HLCS: variants seen among roughly 807,000 people sequenced by gnomAD.
HLCS encodes the protein holocarboxylase synthetase, also known as biotin--protein ligase.
In HLCS, 53 loss-of-function variants were observed where a neutral mutation model predicts 75.0. That is an observed-to-expected ratio of 0.71 (90% CI 0.57 to 0.89). The LOEUF is 0.89. HLCS is among the 40% of genes least tolerant of loss of function. The pLI is 0.00. For missense variants in HLCS, 966 were observed against 1,074.0 expected (o/e 0.90, Z 1.41); for synonymous variants, 431 against 428.6 (o/e 1.01, Z -0.07).
intron 2 of HLCS, chr21:36,943,134 C>T (rs2067225812): frequency 6.6e-6 from 1 of 152,050 alleles, no homozygotes; most frequent in Admixed American, 6.6e-5. Context: ...AATTAAGGTG[C>T]TGCAGCTGCC....
At chr21:36,781,044 T>C (rs1164829358) in intron 6 of HLCS, among the ~76,000 whole-genome samples, 1 of 149,366 alleles carries the variant, frequency 6.7e-6, no homozygotes, top group South Asian at 2.1e-4. Context: ...CAGCTCACGT[T>C]ACCACCTGAG....
chr21:36,864,523 G>A lies in HLCS; in HGVS notation c.1892+32337C>T, dbSNP rs896041896. 4.6e-5 allele frequency among the ~76,000 whole-genome samples: 7 copies of A among 151,830 alleles called. No individual in the cohort carries two copies. In the South Asian group the frequency reaches 1.5e-3, roughly 32 times the overall value. ...TCCTGCTTAAAAGTCTTACTTCTCT[G>A]TTTTATCTACAATAAAAATACACAT... On this transcript the variant is annotated intron_variant, in intron 6 of 10. Coordinates refer to ENST00000674895, the MANE Select transcript of HLCS (RefSeq NM_001352514.2).
chr21:36,939,046 TC>T, intron 2 of HLCS, 52 bp from the exon 3 acceptor site: 11 of 1,524,692 alleles, frequency 7.2e-6, no homozygotes, highest in Non-Finnish European at 9.7e-6. Flanking sequence ...TTGAGATTTT[TC>T]TTCTCTAAAA....
intron 6 of HLCS, among the ~76,000 whole-genome samples, chr21:36,895,819 C>T (rs1454845181): frequency 3.3e-5 from 5 of 152,152 alleles, no homozygotes; most frequent in African/African-American, 9.7e-5. Context: ...GAATATTTCA[C>T]GCCTTAAATT....
chr21:36,765,636 T>C (rs552172303), intron 7 of HLCS, among the ~76,000 whole-genome samples: 2 of 152,170 alleles, frequency 1.3e-5, no homozygotes, highest in African/African-American at 2.4e-5. Context: ...CAGAACTGTG[T>C]ACTTTATTTA....
intron 5 of HLCS, among the ~76,000 whole-genome samples, chr21:36,928,021 C>T (rs1456615037): frequency 1.3e-5 from 2 of 151,996 alleles, no homozygotes; most frequent in Non-Finnish European, 2.9e-5. Context: ...GAAAGAAAAC[C>T]AAATACAAAG....
At chr21:36,880,952 GTTT>G (rs1046571577) in intron 6 of HLCS, among the ~76,000 whole-genome samples, 2 of 134,690 alleles carry the variant, frequency 1.5e-5, no homozygotes, top group Admixed American at 7.2e-5. Flanking sequence ...CCAGCAGAGA[GTTT>G]TTGTTTGTTT....
chr21:36,887,904 TAA>T (rs1284754741), intron 6 of HLCS, among the ~76,000 whole-genome samples: 3 of 152,200 alleles, frequency 2.0e-5, no homozygotes, highest in African/African-American at 7.2e-5. Context: ...CATTAATATG[TAA>T]AACATCAACA....
chr21:36,976,805 C>T (rs1380776710), intron 1 of HLCS, among the ~76,000 whole-genome samples: 2 of 152,008 alleles, frequency 1.3e-5, no homozygotes, highest in Non-Finnish European at 2.9e-5. Context: ...TTCCCCTCTT[C>T]CGAACCAGCC....
intron 9 of HLCS, among the ~76,000 whole-genome samples, chr21:36,758,756 G>T (rs2089702635): frequency 6.6e-6 from 1 of 152,126 alleles, no homozygotes. Context: ...GCCGAGGCGG[G>T]CGGATCATGA....
At chr21:36,808,609 G>A (rs1382116702) in intron 6 of HLCS, among the ~76,000 whole-genome samples, 3 of 152,114 alleles carry the variant, frequency 2.0e-5, no homozygotes, top group African/African-American at 7.2e-5. Flanking sequence ...CTCATCTATA[G>A]ATGTTATAAG....
chr21:36,976,080 A>G (rs2068929247), intron 1 of HLCS, among the ~76,000 whole-genome samples: 1 of 152,208 alleles, frequency 6.6e-6, no homozygotes, highest in African/African-American at 2.4e-5. Context: ...CTAGGCAACC[A>G]AGAGCAAAGA....
intron 6 of HLCS, among the ~76,000 whole-genome samples, chr21:36,778,420 C>T (rs1292594857): frequency 6.6e-6 from 1 of 152,118 alleles, no homozygotes; most frequent in African/African-American, 2.4e-5. Flanking sequence ...GCTGGGATTA[C>T]AGGTGTGCAC....
At chr21:36,864,837 C>A (rs1407648902) in intron 6 of HLCS, among the ~76,000 whole-genome samples, 2 of 152,050 alleles carry the variant, frequency 1.3e-5, no homozygotes, top group African/African-American at 4.8e-5. Flanking sequence ...TAGATGTTAA[C>A]ACTGAGAAAC....
chr21:36,830,109 CA>C (rs1272487533), intron 6 of HLCS, among the ~76,000 whole-genome samples: 1 of 152,154 alleles, frequency 6.6e-6, no homozygotes, highest in East Asian at 1.9e-4. Context: ...CACAGACACA[CA>C]CACAGGAGAG....
chr21:36,940,987 A>G (rs56071327), intron 2 of HLCS, among the ~76,000 whole-genome samples: 5,912 of 152,216 alleles, frequency 0.039, 242 homozygotes, highest in African/African-American at 0.11. Context: ...CAAGGTGGGC[A>G]AATCACCTGA....
intron 1 of HLCS, among the ~76,000 whole-genome samples, chr21:36,964,983 C>T (rs1426693312): frequency 6.6e-6 from 1 of 152,204 alleles, no homozygotes; most frequent in Non-Finnish European, 1.5e-5. Flanking sequence ...AATGCATGAA[C>T]TTCTTCCCCT....
intron 6 of HLCS, among the ~76,000 whole-genome samples, chr21:36,788,471 A>G (rs2060761718): frequency 1.3e-5 from 2 of 152,266 alleles, no homozygotes. Context: ...AGAGCTTAAC[A>G]TTCTAACGAA....
At chr21:36,931,415 C>A (rs917457329) in intron 4 of HLCS, among the ~76,000 whole-genome samples, 2 of 150,954 alleles carry the variant, frequency 1.3e-5, no homozygotes, top group African/African-American at 4.9e-5. Flanking sequence ...AACTGGAAAA[C>A]AATACCTAGG....
Sources: allele counts gnomAD v4.1 joint callset (sites outside exome capture counted in the v4.1 genomes callset), GRCh38; gene constraint gnomAD v4.1.1; transcripts MANE v1.5; gene names NCBI Gene and HGNC (gene_info 2026-07-23, HGNC 2026-07-21).